Variants in LRMDA observed in about 807,000 individuals in gnomAD.
The protein encoded by LRMDA is leucine-rich melanocyte differentiation-associated protein.
Under a neutral mutation model 29.8 loss-of-function variants are expected in LRMDA, and 18 were observed. That is an observed-to-expected ratio of 0.60 (90% CI 0.42 to 0.90). LRMDA has a LOEUF of 0.90. LRMDA is among the 40% of genes least tolerant of loss of function. LRMDA has a pLI of 0.00. For synonymous variants in LRMDA, 125 were observed against 109.4 expected, an observed-to-expected ratio of 1.14 and a Z score of -0.89; for missense variants, 273 against 273.9, an observed-to-expected ratio of 1.00 and a Z score of 0.02.
At chr10:76,215,085 G>C (rs949569251) in intron 5 of LRMDA, among the ~76,000 whole-genome samples, 3 of 152,232 alleles carry the variant, frequency 2.0e-5, no homozygotes, top group Non-Finnish European at 2.9e-5. Flanking sequence ...TAAATGAGGA[G>C]CACTGGGTTG....
intron 5 of LRMDA, among the ~76,000 whole-genome samples, chr10:76,104,936 G>A (rs1849456251): frequency 6.6e-6 from 1 of 152,130 alleles, no homozygotes. Context: ...TACAAAGCAA[G>A]CTCCTGCTCC....
chr10:75,624,483 G>A (rs776665457), intron 2 of LRMDA, among the ~76,000 whole-genome samples: 2 of 152,150 alleles, frequency 1.3e-5, no homozygotes, highest in Non-Finnish European at 2.9e-5. Context: ...ACATGGGAAT[G>A]TATTTTATCA....
Position 75,792,104 on chromosome 10 carries a change from C to T in LRMDA, c.132-243904C>T, listed in dbSNP as rs571474094. On this transcript the variant is annotated intron_variant, in intron 2 of 6. Coordinates refer to ENST00000611255, the MANE Select transcript of LRMDA (RefSeq NM_001305581.2). The stretch of plus-strand genomic sequence containing the variant: ...TCCATCTCCTGACCTCGTGATCCCC[C>T]GCCTCGGCCTCTCAAAGTGCTGCGG... Among the ~76,000 whole-genome samples the T allele has an allele frequency of 3.9e-5, 6 of 152,018 alleles. No homozygotes were observed. In the South Asian group the frequency reaches 6.2e-4, roughly 16 times the overall value.
At chr10:76,081,826 C>G (rs1272710799) in intron 5 of LRMDA, among the ~76,000 whole-genome samples, 3 of 152,144 alleles carry the variant, frequency 2.0e-5, no homozygotes, top group African/African-American at 7.2e-5. Flanking sequence ...TATATACTTA[C>G]TATATAGCTA....
At chr10:76,212,754 A>G (rs1324098607) in intron 5 of LRMDA, among the ~76,000 whole-genome samples, 2 of 152,238 alleles carry the variant, frequency 1.3e-5, no homozygotes, top group Non-Finnish European at 2.9e-5. Context: ...AATCTTCCAC[A>G]TGGATTGGGA....
rs971058463 is a variant in LRMDA, at chr10:76,187,023, G to A, written c.516+128240G>A. 2.0e-5 allele frequency among the ~76,000 whole-genome samples: 3 copies of A among 152,120 alleles called. No individual in the cohort carries two copies. In the East Asian group the frequency reaches 5.8e-4, roughly 29 times the overall value. ...CAGTTATTTACAAACTTCCTATTGT[G>A]TGTAAGACTTGACATTCTTCACTAC... On this transcript the variant is annotated intron_variant, in intron 5 of 6. Transcript: ENST00000611255.
chr10:76,484,973 T>C (rs1291268168), intron 6 of LRMDA, among the ~76,000 whole-genome samples: 1 of 151,906 alleles, frequency 6.6e-6, no homozygotes, highest in African/African-American at 2.4e-5. Context: ...CAGCTTTCTT[T>C]CGTTAGTATT....
At chr10:75,883,687 GC>G (rs1845331544) in intron 2 of LRMDA, among the ~76,000 whole-genome samples, 2 of 152,124 alleles carry the variant, frequency 1.3e-5, no homozygotes, top group Non-Finnish European at 2.9e-5. Context: ...TATGTGTCAG[GC>G]AGAGCCGAGG....
chr10:75,759,745 A>G (rs1843073000), intron 2 of LRMDA, among the ~76,000 whole-genome samples: 1 of 152,210 alleles, frequency 6.6e-6, no homozygotes, highest in Non-Finnish European at 1.5e-5. Context: ...TTGTTTTCAT[A>G]AACATATTCA....
chr10:75,749,461 T>C (rs1842926980), intron 2 of LRMDA, among the ~76,000 whole-genome samples: 1 of 152,150 alleles, frequency 6.6e-6, no homozygotes, highest in African/African-American at 2.4e-5. Context: ...TATGTGTATA[T>C]GTACATACAC....
intron 5 of LRMDA, among the ~76,000 whole-genome samples, chr10:76,282,955 T>C (rs1238234410): frequency 6.6e-6 from 1 of 152,156 alleles, no homozygotes; most frequent in Admixed American, 6.6e-5. Flanking sequence ...GGTGTGTTGC[T>C]GATACTTAAA....
chr10:76,205,724 A>G (rs1233210092), intron 5 of LRMDA, among the ~76,000 whole-genome samples: 1 of 152,150 alleles, frequency 6.6e-6, no homozygotes, highest in Non-Finnish European at 1.5e-5. Context: ...TATGCTCTAG[A>G]TGGCAGAGAG....
intron 5 of LRMDA, among the ~76,000 whole-genome samples, chr10:76,121,103 C>G (rs368754560): frequency 1.3e-5 from 2 of 151,120 alleles, no homozygotes; most frequent in East Asian, 1.9e-4. Context: ...ACACCACCCG[C>G]ACGTAGGATC....
intron 2 of LRMDA, among the ~76,000 whole-genome samples, chr10:76,033,729 G>C (rs1327681985): frequency 6.6e-6 from 1 of 152,116 alleles, no homozygotes; most frequent in Non-Finnish European, 1.5e-5. Flanking sequence ...CACCCGTAAG[G>C]CTCCCTAAGG....
chr10:75,486,341 A>G (rs1354937183), intron 2 of LRMDA, among the ~76,000 whole-genome samples: 4 of 152,206 alleles, frequency 2.6e-5, no homozygotes, highest in African/African-American at 9.7e-5. Flanking sequence ...TGATGAATTG[A>G]TATTACACTT....
intron 2 of LRMDA, among the ~76,000 whole-genome samples, chr10:75,848,697 A>C (rs117847392): frequency 0.011 from 1,620 of 152,010 alleles, 16 homozygotes; most frequent in Non-Finnish European, 0.018. Context: ...TTGTTACCTT[A>C]ATGCCTCTCT....
At chr10:76,457,970 G>A (rs1033201790) in intron 6 of LRMDA, among the ~76,000 whole-genome samples, 15 of 152,088 alleles carry the variant, frequency 9.9e-5, no homozygotes, top group African/African-American at 3.6e-4. Flanking sequence ...AGGGATGTGC[G>A]TGCCTCATAT....
chr10:76,136,030 G>A (rs548451418), intron 5 of LRMDA, among the ~76,000 whole-genome samples: 35 of 152,246 alleles, frequency 2.3e-4, no homozygotes, highest in African/African-American at 8.2e-4. Flanking sequence ...TGAAGCAGGA[G>A]TCGTGTCATG....
intron 1 of LRMDA, among the ~76,000 whole-genome samples, chr10:75,438,123 A>G (rs888118316): frequency 6.6e-6 from 1 of 152,182 alleles, no homozygotes; most frequent in African/African-American, 2.4e-5. Context: ...TCTTTTGGAC[A>G]CCTGAATCTG....
Sources: gnomAD v4.1 joint callset for allele counts (sites outside exome capture counted in the v4.1 genomes callset) on GRCh38, gnomAD v4.1.1 for gene constraint, MANE v1.5 for transcripts, NCBI Gene and HGNC (gene_info 2026-07-23, HGNC 2026-07-21) for gene names.